The following NTRK3 variants were observed in gnomAD, a reference collection of about 807,000 sequenced individuals.
NTRK3 encodes neurotrophic receptor tyrosine kinase 3.
Under a neutral mutation model 91.7 loss-of-function variants are expected in NTRK3, and 24 were observed. The observed-to-expected ratio is 0.26, with a 90% CI of 0.19 to 0.37. The LOEUF (loss-of-function observed/expected upper bound fraction) is 0.37. Ranked by LOEUF, NTRK3 falls within the 10% of genes least tolerant of loss-of-function variation. The pLI, the probability that NTRK3 is intolerant of heterozygous loss-of-function variation, is 1.00. For synonymous variants in NTRK3, 483 were observed against 404.0 expected, an observed-to-expected ratio of 1.20 and a Z score of -2.34; for missense variants, 880 against 1,068.9, an observed-to-expected ratio of 0.82 and a Z score of 2.46.
In NTRK3 at chr15:88,237,539, T is replaced by G. The variant is rs758414675; in HGVS notation, c.248+18367A>C. ...TAATTCATAAGAGAGCTAGAAATCA[T>G]GCACTTTATATATGAGTTGTTTTGC... On this transcript the variant is annotated intron_variant, in intron 3 of 18. Coordinates refer to ENST00000394480, the Ensembl canonical transcript of NTRK3. This position sits in a 1 kb window ranked among gnomAD's most constrained non-coding sequence, Gnocchi z 4.0. Among the ~76,000 whole-genome samples, 5 of 152,198 alleles carry G rather than the reference T, an allele frequency of 3.3e-5. No homozygotes were observed. The highest frequency in any genetic ancestry group is 6.5e-5 in the Admixed American group (1 of 15,276).
At chr15:88,039,500 G>C (rs993657452) in intron 13 of NTRK3, among the ~76,000 whole-genome samples, 2 of 152,128 alleles carry the variant, frequency 1.3e-5, no homozygotes, top group African/African-American at 4.8e-5. Context: ...TTTCCCCACA[G>C]AATGGTCCAT....
chr15:87,988,101 C>T (rs1280854416), intron 14 of NTRK3, among the ~76,000 whole-genome samples: 2 of 152,154 alleles, frequency 1.3e-5, no homozygotes, highest in African/African-American at 2.4e-5. Context: ...CAAACACCAT[C>T]TCAGCCAGGT....
At chr15:87,961,960 C>A (rs1037894742) in intron 14 of NTRK3, among the ~76,000 whole-genome samples, 5 of 152,248 alleles carry the variant, frequency 3.3e-5, no homozygotes, top group African/African-American at 1.2e-4. Flanking sequence ...ACTTCCAGAG[C>A]TGGCATCCAT....
intron 13 of NTRK3, among the ~76,000 whole-genome samples, chr15:88,073,564 A>T (rs2150562377): frequency 6.6e-6 from 1 of 152,318 alleles, no homozygotes; most frequent in South Asian, 2.1e-4. Flanking sequence ...GGGCAGTATA[A>T]GCAAAGAAAA....
At chr15:88,131,840 G>A (rs751639723) in intron 10 of NTRK3, 1 of 182,258 alleles carries the variant, frequency 5.5e-6, no homozygotes, top group East Asian at 8.9e-5. Context: ...ACCTGTGGGA[G>A]GGTTCAGGCA....
chr15:87,982,161 C>G (rs1158659856), intron 14 of NTRK3, among the ~76,000 whole-genome samples: 1 of 152,168 alleles, frequency 6.6e-6, no homozygotes, highest in Non-Finnish European at 1.5e-5. Context: ...GAGCCGGGAT[C>G]TGAAGTTTGT....
At chr15:87,976,867 C>A (rs1245913275) in intron 14 of NTRK3, among the ~76,000 whole-genome samples, 1 of 152,186 alleles carries the variant, frequency 6.6e-6, no homozygotes, top group Non-Finnish European at 1.5e-5. Context: ...AAAACCACTC[C>A]ATCCTAGGGA....
chr15:88,010,115 C>G (rs913882467), intron 14 of NTRK3, among the ~76,000 whole-genome samples: 1 of 152,220 alleles, frequency 6.6e-6, no homozygotes, highest in Non-Finnish European at 1.5e-5. Flanking sequence ...GACCAGCCCC[C>G]TCTAGATCCC....
At chr15:88,053,803 G>C (rs2045443594) in intron 13 of NTRK3, among the ~76,000 whole-genome samples, 2 of 152,226 alleles carry the variant, frequency 1.3e-5, no homozygotes, top group African/African-American at 2.4e-5. Context: ...GTTAAGTTCA[G>C]ACATGGGTAC....
chr15:88,127,132 C>A (rs758975423), intron 12 of NTRK3, 30 bp downstream of exon 12: 34 of 1,588,744 alleles, frequency 2.1e-5, no homozygotes, highest in Non-Finnish European at 2.9e-5. Context: ...TGCCAGTCAA[C>A]ACACTCCTCT....
intron 14 of NTRK3, among the ~76,000 whole-genome samples, chr15:88,029,054 G>A (rs77483016): frequency 0.03 from 4,509 of 152,160 alleles, 91 homozygotes; most frequent in Middle Eastern, 0.051. Flanking sequence ...TCATTCTATC[G>A]GACCTGGCCC....
chr15:87,935,568 G>A (rs1005523439), intron 15 of NTRK3, among the ~76,000 whole-genome samples: 1 of 152,024 alleles, frequency 6.6e-6, no homozygotes, highest in Non-Finnish European at 1.5e-5. Context: ...TTTTCATGCA[G>A]AAGAAGAAGA....
chr15:88,160,495 C>T (rs977339934), intron 5 of NTRK3, among the ~76,000 whole-genome samples: 2 of 152,190 alleles, frequency 1.3e-5, no homozygotes, highest in African/African-American at 4.8e-5. Context: ...AGAGTGGGGG[C>T]TTTGCTGACA....
intron 16 of NTRK3, among the ~76,000 whole-genome samples, chr15:87,932,545 A>G (rs548269932): frequency 3.3e-5 from 5 of 152,262 alleles, no homozygotes; most frequent in African/African-American, 1.2e-4. Context: ...ATGAATTGTA[A>G]CCTTGGACCT....
intron 14 of NTRK3, among the ~76,000 whole-genome samples, chr15:87,999,757 T>C (rs746062209): frequency 3.3e-5 from 5 of 152,204 alleles, no homozygotes; most frequent in Non-Finnish European, 7.3e-5. Flanking sequence ...ATGAGGAAGA[T>C]GGCACTGGGA....
chr15:88,254,478 G>A (rs1454311644), intron 3 of NTRK3, among the ~76,000 whole-genome samples: 1 of 152,044 alleles, frequency 6.6e-6, no homozygotes. Flanking sequence ...TTGTCTCCTG[G>A]GCCAGGAGTC....
chr15:87,927,541 A>G (rs1438391981), intron 17 of NTRK3: 1 of 152,212 alleles, frequency 6.6e-6, no homozygotes, highest in Non-Finnish European at 1.5e-5. Context: ...TGATCCTGGC[A>G]ATACACTGAA....
At chr15:87,979,206 G>A in intron 14 of NTRK3, 1 of 751,560 alleles carries the variant, frequency 1.3e-6, no homozygotes. Context: ...GGTGTTAAAG[G>A]GTGCCGGGGC....
intron 15 of NTRK3, 97 bp downstream of exon 15, chr15:87,940,526 T>C (rs2069727881): frequency 1.3e-6 from 2 of 1,579,282 alleles, no homozygotes; most frequent in Non-Finnish European, 1.7e-6. Context: ...AGAAAGCCAA[T>C]TGAGCACTAT....
Sources: allele counts gnomAD v4.1 joint callset (sites outside exome capture counted in the v4.1 genomes callset), GRCh38; gene constraint gnomAD v4.1.1; non-coding constraint Gnocchi (gnomAD v3.1); transcripts MANE v1.5; gene names NCBI Gene and HGNC (gene_info 2026-07-23, HGNC 2026-07-21).